Variants in SUCLG2 observed in about 807,000 individuals in gnomAD.
The protein encoded by SUCLG2 is succinate--CoA ligase [GDP-forming] subunit beta, mitochondrial.
In SUCLG2, 42 loss-of-function variants were observed where a neutral mutation model predicts 47.9. The observed-to-expected ratio is 0.88, with a 90% CI of 0.69 to 1.14. The LOEUF (loss-of-function observed/expected upper bound fraction) is 1.14. Among genes scored for constraint, SUCLG2 ranks in the 50% most tolerant of loss-of-function variants. The pLI is 0.00. For missense variants in SUCLG2, 571 were observed against 525.9 expected (o/e 1.09, Z -0.84); for synonymous variants, 195 against 197.3 (o/e 0.99, Z 0.10).
chr3:67,600,626 C>A (rs1233495268), intron 2 of SUCLG2, among the ~76,000 whole-genome samples: 1 of 152,130 alleles, frequency 6.6e-6, no homozygotes, highest in East Asian at 1.9e-4. Flanking sequence ...ATCACCAAAC[C>A]CATTTCTTCT....
chr3:67,394,145 A>T (rs1702465615), intron 10 of SUCLG2, among the ~76,000 whole-genome samples: 1 of 152,220 alleles, frequency 6.6e-6, no homozygotes, highest in Non-Finnish European at 1.5e-5. Context: ...GCAGTTCCTC[A>T]CCAGCAACAG....
At chr3:67,589,986 T>C (rs1159676550) in intron 2 of SUCLG2, among the ~76,000 whole-genome samples, 1 of 152,132 alleles carries the variant, frequency 6.6e-6, no homozygotes, top group Non-Finnish European at 1.5e-5. Context: ...AGCATTACCT[T>C]GATTTATATA....
intron 6 of SUCLG2, chr3:67,513,910 G>C (rs1705865504): frequency 6.4e-6 from 1 of 156,250 alleles, no homozygotes; most frequent in South Asian, 1.9e-4. Context: ...TCAGAATCGT[G>C]CAGGCACAGT....
intron 10 of SUCLG2, among the ~76,000 whole-genome samples, chr3:67,391,294 C>A (rs1462160393): frequency 6.6e-6 from 1 of 152,080 alleles, no homozygotes; most frequent in Non-Finnish European, 1.5e-5. Flanking sequence ...ATCCTTGATT[C>A]TGAAATACTG....
chr3:67,639,972 G>T (rs1283218691), intron 1 of SUCLG2, among the ~76,000 whole-genome samples: 2 of 152,184 alleles, frequency 1.3e-5, no homozygotes, highest in Non-Finnish European at 2.9e-5. Flanking sequence ...TTAACTTAAA[G>T]ATAGAGAAAA....
chr3:67,377,645 T>C (rs1702062656), intron 10 of SUCLG2, among the ~76,000 whole-genome samples: 2 of 152,116 alleles, frequency 1.3e-5, no homozygotes, highest in South Asian at 2.1e-4. Flanking sequence ...TTGGTTCTGG[T>C]TGTGTTTTGT....
At chr3:67,408,457 T>G in intron 9 of SUCLG2, 1 of 240,030 alleles carries the variant, frequency 4.2e-6, no homozygotes, top group Non-Finnish European at 6.7e-6. Flanking sequence ...ATTCATCAAT[T>G]GAGATGAACC....
intron 9 of SUCLG2, among the ~76,000 whole-genome samples, chr3:67,439,105 T>A (rs1703695032): frequency 6.6e-6 from 1 of 152,124 alleles, no homozygotes; most frequent in Non-Finnish European, 1.5e-5. Flanking sequence ...ATTAACGTAA[T>A]CCATCACATA....
intron 2 of SUCLG2, among the ~76,000 whole-genome samples, chr3:67,600,370 G>A (rs1037018579): frequency 6.6e-6 from 1 of 152,216 alleles, no homozygotes; most frequent in South Asian, 2.1e-4. Flanking sequence ...AGAACTTGGT[G>A]AGTGCCTCAT....
intron 1 of SUCLG2, among the ~76,000 whole-genome samples, chr3:67,615,743 A>C (rs940971345): frequency 6.6e-6 from 1 of 152,012 alleles, no homozygotes. Context: ...CCACCTTCCA[A>C]AACAATTTGA....
chr3:67,406,953 C>T (rs971161347), intron 9 of SUCLG2, among the ~76,000 whole-genome samples: 10 of 152,120 alleles, frequency 6.6e-5, no homozygotes, highest in Non-Finnish European at 1.3e-4. Flanking sequence ...TTCACCACAG[C>T]ACATGCAGGG....
At chr3:67,468,258 C>A (rs1457914348) in intron 9 of SUCLG2, among the ~76,000 whole-genome samples, 3 of 152,088 alleles carry the variant, frequency 2.0e-5, no homozygotes, top group African/African-American at 7.2e-5. Flanking sequence ...AGACATGGAC[C>A]CTGTCTTCAT....
chr3:67,511,763 A>AT lies in SUCLG2; in HGVS notation c.661-2861dup, dbSNP rs376767282. Among the ~76,000 whole-genome samples, 7 of 144,682 alleles carry AT rather than the reference A, an allele frequency of 4.8e-5. 2 individuals are homozygous for AT. The highest frequency in any genetic ancestry group is 1.2e-4 in the African/African-American group (4 of 34,766). 94.9% of individuals were successfully genotyped at this position (144,682 alleles called of 152,430 possible). A position where few individuals can be genotyped will look rare whatever the true frequency, so the allele number is the denominator to read the frequency against. On this transcript the variant is annotated intron_variant, in intron 6 of 10. Transcript: ENST00000307227. ...ATTCTATGAGTTTAAGAGACATCTT[A>AT]TTTTTTTTGTGTGAATTTTGCCTAT...
At chr3:67,419,122 G>A (rs1703098281) in intron 9 of SUCLG2, among the ~76,000 whole-genome samples, 1 of 152,180 alleles carries the variant, frequency 6.6e-6, no homozygotes, top group South Asian at 2.1e-4. Flanking sequence ...CAAGCACTCA[G>A]TCCTGTGATG....
At chr3:67,438,719 A>C (rs886129707) in intron 9 of SUCLG2, among the ~76,000 whole-genome samples, 2 of 152,208 alleles carry the variant, frequency 1.3e-5, no homozygotes, top group Non-Finnish European at 2.9e-5. Flanking sequence ...GACCAATAAC[A>C]AGCTCTGAAA....
downstream of SUCLG2, among the ~76,000 whole-genome samples, chr3:67,374,090 G>A (rs986261923): frequency 3.9e-5 from 6 of 152,172 alleles, no homozygotes; most frequent in African/African-American, 1.2e-4. Context: ...ATTTAAAAAT[G>A]TTGTCTAGTT....
intron 2 of SUCLG2, among the ~76,000 whole-genome samples, chr3:67,585,979 AAAAAAAAAAAAAC>A (rs59735303): frequency 0.44 from 62,060 of 141,276 alleles, 15,323 homozygotes; most frequent in Admixed American, 0.54. Context: ...AAAAAAAAAA[AAAAAAAAAAAAAC>A]CAAACCCACA....
chr3:67,481,805 T>C (rs1052773325), intron 9 of SUCLG2, among the ~76,000 whole-genome samples: 14 of 152,248 alleles, frequency 9.2e-5, no homozygotes, highest in East Asian at 7.7e-4. Flanking sequence ...GAAAGCCCCA[T>C]TGGAACCAAT....
At chr3:67,483,949 C>T (rs1232643758) in intron 9 of SUCLG2, among the ~76,000 whole-genome samples, 1 of 152,216 alleles carries the variant, frequency 6.6e-6, no homozygotes, top group African/African-American at 2.4e-5. Flanking sequence ...CTTTGGCTTA[C>T]AGGAGGCTTG....
Sources: gnomAD v4.1 joint callset for allele counts (sites outside exome capture counted in the v4.1 genomes callset) on GRCh38, gnomAD v4.1.1 for gene constraint, MANE v1.5 for transcripts, NCBI Gene and HGNC (gene_info 2026-07-23, HGNC 2026-07-21) for gene names.